RNGTT: variants seen among roughly 807,000 people sequenced by gnomAD.
The protein encoded by RNGTT is mRNA-capping enzyme.
RNGTT carries 33 observed loss-of-function variants against 79.3 expected under a neutral mutation model. The observed-to-expected ratio is 0.42, with a 90% CI of 0.32 to 0.56. The LOEUF is 0.56. Among genes scored for constraint, RNGTT ranks in the 20% least tolerant of loss-of-function variants. The probability of loss-of-function intolerance (pLI) is 0.17; values close to 1 mark genes in which losing one functional copy is unlikely to be tolerated. For synonymous variants in RNGTT, 222 were observed against 235.9 expected (o/e 0.94, Z 0.54); for missense variants, 497 against 739.1 (o/e 0.67, Z 3.80).
chr6:88,693,350 A>G (rs984333977), intron 13 of RNGTT, among the ~76,000 whole-genome samples: 3 of 152,188 alleles, frequency 2.0e-5, no homozygotes, highest in African/African-American at 7.2e-5. Flanking sequence ...CTATATGCCA[A>G]TAAATTAGAT....
chr6:88,706,174 CAA>C (rs1284829364), intron 13 of RNGTT, among the ~76,000 whole-genome samples: 1 of 151,930 alleles, frequency 6.6e-6, no homozygotes, highest in Non-Finnish European at 1.5e-5. Flanking sequence ...CATCATGAGA[CAA>C]GTCTTAGAAT....
intron 13 of RNGTT, among the ~76,000 whole-genome samples, chr6:88,761,427 G>A (rs756540576): frequency 2.4e-4 from 36 of 152,040 alleles, no homozygotes; most frequent in Non-Finnish European, 1.8e-4. Context: ...GGAGGTGGAC[G>A]GTACAGTGAG....
chr6:88,637,550 C>A (rs1009579983), intron 14 of RNGTT, among the ~76,000 whole-genome samples: 3 of 152,098 alleles, frequency 2.0e-5, no homozygotes, highest in Non-Finnish European at 2.9e-5. Flanking sequence ...ATGCAACCTA[C>A]GCTTTCTGGA....
At chr6:88,867,788 T>C (rs116517554) in intron 8 of RNGTT, among the ~76,000 whole-genome samples, 1,905 of 152,268 alleles carry the variant, frequency 0.013, 35 homozygotes, top group African/African-American at 0.042. Flanking sequence ...ACCTTTGAAA[T>C]TCACTATTGG....
chr6:88,635,046 T>A (rs1443918943), intron 14 of RNGTT, among the ~76,000 whole-genome samples: 1 of 152,016 alleles, frequency 6.6e-6, no homozygotes, highest in Non-Finnish European at 1.5e-5. Flanking sequence ...TGAGGTTACA[T>A]TTGAGTAGTG....
intron 14 of RNGTT, among the ~76,000 whole-genome samples, chr6:88,629,498 AT>A (rs1263691646): frequency 1.3e-5 from 2 of 152,156 alleles, no homozygotes; most frequent in African/African-American, 4.8e-5. Context: ...ATCACATTAA[AT>A]TTCTCATTTT....
chr6:88,761,018 T>TAAAC (rs1554214400), intron 13 of RNGTT, among the ~76,000 whole-genome samples: 1 of 131,146 alleles, frequency 7.6e-6, no homozygotes, highest in Non-Finnish European at 1.6e-5. Context: ...GCAAAAGAAA[T>TAAAC]ACACACACAC....
chr6:88,651,738 A>G (rs985594386), intron 14 of RNGTT, among the ~76,000 whole-genome samples: 6 of 137,624 alleles, frequency 4.4e-5, no homozygotes, highest in African/African-American at 2.1e-4. Flanking sequence ...CCTATGTTTC[A>G]GCCTTCTTGC....
chr6:88,779,708 T>C (rs564769037), intron 12 of RNGTT, among the ~76,000 whole-genome samples: 5 of 152,062 alleles, frequency 3.3e-5, no homozygotes, highest in Non-Finnish European at 7.4e-5. Flanking sequence ...TTTTAGAAAA[T>C]GGGGCCAGGT....
At chr6:88,950,299 C>G (rs1017526779) in intron 1 of RNGTT, among the ~76,000 whole-genome samples, 3 of 152,204 alleles carry the variant, frequency 2.0e-5, no homozygotes, top group African/African-American at 4.8e-5. Context: ...TCCATGCCTA[C>G]TAACATAGCA....
At chr6:88,878,076 G>GTTTATTTATTTA (rs201880221) in intron 8 of RNGTT, among the ~76,000 whole-genome samples, 100 of 150,582 alleles carry the variant, frequency 6.6e-4, no homozygotes, top group African/African-American at 1.9e-3. Flanking sequence ...AATTTCATTT[G>GTTTATTTATTTA]TTTATTTATT....
chr6:88,765,050 G>C (rs1463712978), intron 13 of RNGTT, among the ~76,000 whole-genome samples: 1 of 151,966 alleles, frequency 6.6e-6, no homozygotes, highest in East Asian at 1.9e-4. Context: ...AAATTAGCCG[G>C]GCATGGTGGC....
Position 88,808,705 on chromosome 6 carries a change from T to C in RNGTT, c.1270-7073A>G, listed in dbSNP as rs550338391. Among the ~76,000 whole-genome samples, 5 of 151,202 alleles carry C rather than the reference T, an allele frequency of 3.3e-5. No individual in the cohort carries two copies. In the East Asian group the frequency reaches 7.8e-4, roughly 23 times the overall value. ...CAGGCAGATAGCTTGAGCCCAGGAG[T>C]TCAAGACCAGCCTGGGCAACATGGC... On this transcript the variant is annotated intron_variant, in intron 11 of 15. Transcript: ENST00000369485.
At chr6:88,778,250 T>C (rs1778955811) in intron 12 of RNGTT, among the ~76,000 whole-genome samples, 1 of 152,058 alleles carries the variant, frequency 6.6e-6, no homozygotes, top group African/African-American at 2.4e-5. Context: ...CCTTGAAGGA[T>C]GGGTAATATT....
chr6:88,817,749 A>ATTTTTTTTTTT lies in RNGTT; in HGVS notation c.1270-16128_1270-16118dup, dbSNP rs71554802. Among the ~76,000 whole-genome samples, 6 of 71,560 alleles carry ATTTTTTTTTTT rather than the reference A, an allele frequency of 8.4e-5. 1 individual carries two copies. The highest frequency in any genetic ancestry group is 1.7e-4 in the African/African-American group (3 of 17,696). The allele number at this position is 71,560 out of a possible 152,430, so 46.9% of individuals were successfully genotyped here. On this transcript the variant is annotated intron_variant, in intron 11 of 15. Transcript: ENST00000369485. ...TTCACCATCCAAGTCTATTCACATCATTTTTTTTTTTTTTTTTTTTTTTTT... is the reference window on the plus strand; with the variant it reads ...TTCACCATCCAAGTCTATTCACATCATTTTTTTTTTTTTTTTTTTTTTTTTTTTTTTTTTTT...
chr6:88,916,294 G>A (rs985459408), intron 4 of RNGTT, among the ~76,000 whole-genome samples: 1 of 152,146 alleles, frequency 6.6e-6, no homozygotes, highest in Non-Finnish European at 1.5e-5. Context: ...GCAACATGGT[G>A]AAACCCTGTC....
At chr6:88,805,570 C>A (rs1289853972) in intron 11 of RNGTT, among the ~76,000 whole-genome samples, 1 of 152,124 alleles carries the variant, frequency 6.6e-6, no homozygotes, top group African/African-American at 2.4e-5. Flanking sequence ...TGATAAAAAG[C>A]AGAAAGACTT....
intron 12 of RNGTT, among the ~76,000 whole-genome samples, chr6:88,789,829 C>G (rs1428560429): frequency 6.6e-6 from 1 of 152,174 alleles, no homozygotes; most frequent in Non-Finnish European, 1.5e-5. Context: ...TTTGCCTGTG[C>G]TTCATCAGGA....
intron 14 of RNGTT, among the ~76,000 whole-genome samples, chr6:88,630,010 G>A (rs1431599384): frequency 6.6e-6 from 1 of 152,092 alleles, no homozygotes; most frequent in African/African-American, 2.4e-5. Context: ...CCCTACCAAT[G>A]CCATGCTGTG....
Sources: allele counts gnomAD v4.1 joint callset (sites outside exome capture counted in the v4.1 genomes callset), GRCh38; gene constraint gnomAD v4.1.1; transcripts MANE v1.5; gene names NCBI Gene and HGNC (gene_info 2026-07-23, HGNC 2026-07-21).